Variants in HEATR4 observed in about 807,000 individuals in gnomAD.
HEATR4 encodes HEAT repeat-containing protein 4.
A neutral mutation model predicts 108.8 loss-of-function variants in HEATR4; 95 were observed. The observed-to-expected ratio is 0.87, with a 90% CI of 0.74 to 1.04. HEATR4 has a LOEUF of 1.04. Among genes scored for constraint, HEATR4 ranks in the 50% least tolerant of loss-of-function variants. HEATR4 has a pLI of 0.00. For missense variants in HEATR4, 1,152 were observed against 1,253.8 expected, an observed-to-expected ratio of 0.92 and a Z score of 1.23; for synonymous variants, 443 against 459.4, an observed-to-expected ratio of 0.96 and a Z score of 0.46.
chr14:73,612,535 C>G, the HEATR4 span: 1 of 1,234,760 alleles, frequency 8.1e-7, no homozygotes, highest in Admixed American at 4.1e-5. Flanking sequence ...CCACTGACTC[C>G]GCGGAGCTGG....
Position 73,508,117 on chromosome 14 carries a change from C to T in HEATR4, c.1881+17G>A, listed in dbSNP as rs368573864. The T allele has an allele frequency of 2.2e-5, 36 of 1,611,796 alleles. No individual in the cohort carries two copies. The highest frequency in any genetic ancestry group is 1.1e-4 in the South Asian group (10 of 90,942). Reference sequence around the variant, plus strand: ...TTGCTCCCCAAAACTGTGTCTGACCCGGTAATGGACACATACTGTCTTCTC... The same window carrying T: ...TTGCTCCCCAAAACTGTGTCTGACCTGGTAATGGACACATACTGTCTTCTC... On this transcript the variant is annotated intron_variant, in intron 9 of 17. Transcript: ENST00000553558.
the HEATR4 span, among the ~76,000 whole-genome samples, chr14:73,578,752 G>A: frequency 4.0e-5 from 6 of 151,214 alleles, no homozygotes; most frequent in East Asian, 1.9e-4. Context: ...TCAGGAGTTC[G>A]AGACCAGCCT....
intron 5 of HEATR4, among the ~76,000 whole-genome samples, chr14:73,514,488 A>G (rs1887468975): frequency 6.6e-6 from 1 of 152,196 alleles, no homozygotes; most frequent in Non-Finnish European, 1.5e-5. Context: ...TGAGATATCT[A>G]CAAACCTTTC....
At chr14:73,572,845 C>T in the HEATR4 span, among the ~76,000 whole-genome samples, 1 of 149,510 alleles carries the variant, frequency 6.7e-6, no homozygotes, top group East Asian at 1.9e-4. Context: ...GGGGTTTCAC[C>T]ATGTTGGCCA....
At chr14:73,619,490 A>G in the HEATR4 span, 5 of 1,614,244 alleles carry the variant, frequency 3.1e-6, no homozygotes, top group South Asian at 2.2e-5. Flanking sequence ...CACAATCACC[A>G]AAGTCTTGTT....
At chr14:73,592,464 TC>T in the HEATR4 span, 6 of 1,449,546 alleles carry the variant, frequency 4.1e-6, no homozygotes, top group Non-Finnish European at 5.4e-6. Context: ...GGCCTGAGTC[TC>T]CGTTTGTTTC....
the HEATR4 span, among the ~76,000 whole-genome samples, chr14:73,585,235 GC>G: frequency 6.6e-6 from 1 of 152,108 alleles, no homozygotes; most frequent in Non-Finnish European, 1.5e-5. Flanking sequence ...CCCCTGCCTG[GC>G]CCAGCAGGAC....
the HEATR4 span, among the ~76,000 whole-genome samples, chr14:73,599,155 CAT>C: frequency 1.3e-5 from 2 of 152,042 alleles, no homozygotes; most frequent in African/African-American, 2.4e-5. Context: ...AAGTGCCAGA[CAT>C]GTGAGTGAAA....
the HEATR4 span, among the ~76,000 whole-genome samples, chr14:73,589,866 C>T: frequency 3.9e-5 from 6 of 152,180 alleles, no homozygotes; most frequent in African/African-American, 1.2e-4. Context: ...GTCTTGCTGG[C>T]TCAGAAGTGA....
Position 73,495,341 on chromosome 14 carries a change from T to G in HEATR4, c.2672A>C (p.Lys891Thr), listed in dbSNP as rs1322395443. ...QKDLLTHKIL[K>T]LEMVMGKVRE... Reference sequence around the variant, plus strand: ...CACTTTTCCCATGACCATCTCCAGCTTGAGTATTTTGTGTGTCAGCAAGTC... The same window carrying G: ...CACTTTTCCCATGACCATCTCCAGCGTGAGTATTTTGTGTGTCAGCAAGTC... Residue 891 changes from lysine to threonine, a missense_variant, in exon 16 of 18, where the codon AAG becomes ACG. Physicochemically the swap from Lys to Thr is moderately conservative, Grantham distance 78 (BLOSUM62 -1). Transcript: ENST00000553558. 6.2e-7 allele frequency: 1 copy of G among 1,614,042 alleles called. No homozygotes were observed. The highest frequency in any genetic ancestry group is 8.5e-7 in the Non-Finnish European group (1 of 1,179,930).
the HEATR4 span, chr14:73,592,334 C>G: frequency 5.0e-6 from 8 of 1,604,714 alleles, no homozygotes; most frequent in Non-Finnish European, 6.8e-6. Context: ...AGGCGCAGCA[C>G]GAGCGCCACT....
the HEATR4 span, chr14:73,569,418 C>G: frequency 6.2e-7 from 1 of 1,613,860 alleles, no homozygotes; most frequent in East Asian, 2.2e-5. Flanking sequence ...CATTAGGGTT[C>G]CTGCTCGGAT....
In HEATR4 at chr14:73,522,847, G is replaced by A. The variant is rs1224023615; in HGVS notation, c.306C>T (p.Ile102=). The change falls in exon 3 of 18, where the codon ATC becomes ATT. Residue 102 remains isoleucine, a synonymous_variant. Coordinates refer to ENST00000553558, the MANE Select transcript of HEATR4 (RefSeq NM_001220484.1). ...CCTTCCTGATCTGGGGAGTATGGAT[G>A]ATGTCATTGGTATTGTAGAGGTGGT... ...SFDHLYNTND[I]IHTPQIRKAR... The A allele has an allele frequency of 1.2e-6, 2 of 1,614,108 alleles. No individual in the cohort carries two copies. The highest frequency in any genetic ancestry group is 1.7e-6 in the Non-Finnish European group (2 of 1,180,054).
the HEATR4 span, chr14:73,612,557 T>G: frequency 7.4e-7 from 1 of 1,354,820 alleles, no homozygotes; most frequent in Non-Finnish European, 9.6e-7. Context: ...TCGCCCCTGT[T>G]CTACCCAGAT....
intron 17 of HEATR4, chr14:73,491,682 T>C (rs1885758672): frequency 6.5e-7 from 1 of 1,549,734 alleles, no homozygotes; most frequent in Non-Finnish European, 8.7e-7. Context: ...TACCGGCGCC[T>C]ATGGGAGCGC....
At position 73,519,297 on chromosome 14, in the gene HEATR4, C is replaced by T. The variant is rs183888400; in HGVS notation, c.1070-134G>A. The T allele has an allele frequency of 9.1e-5, 68 of 743,736 alleles. No individual in the cohort carries two copies. In the African/African-American group the frequency reaches 1.1e-3, roughly 12 times the overall value. 46.1% of individuals were successfully genotyped at this position (743,736 alleles called of 1,614,324 possible). On this transcript the variant is annotated intron_variant, in intron 4 of 17. Transcript: ENST00000553558. ...GCCCCTAGGATCCATGACTGCCATACTCTGGGGCATCCCTTGAAGGTGACC... is the reference window on the plus strand; with the variant it reads ...GCCCCTAGGATCCATGACTGCCATATTCTGGGGCATCCCTTGAAGGTGACC...
At chr14:73,564,721 G>GTTTTTTTTTTTT in the HEATR4 span, among the ~76,000 whole-genome samples, 7 of 83,566 alleles carry the variant, frequency 8.4e-5, 1 homozygote, top group Admixed American at 1.6e-4. Context: ...TATCTTTTCT[G>GTTTTTTTTTTTT]TTTTTTGTTT....
At chr14:73,597,426 C>G in the HEATR4 span, among the ~76,000 whole-genome samples, 2 of 151,892 alleles carry the variant, frequency 1.3e-5, no homozygotes, top group Non-Finnish European at 2.9e-5. Context: ...GCTGTGTTGG[C>G]CAGGCTGGGG....
At chr14:73,507,551 A>C (rs1237983299) in intron 9 of HEATR4, among the ~76,000 whole-genome samples, 1 of 152,050 alleles carries the variant, frequency 6.6e-6, no homozygotes, top group Admixed American at 6.6e-5. Flanking sequence ...CTCCCACCTC[A>C]GCCTCTTGAG....
Sources: allele counts gnomAD v4.1 joint callset (sites outside exome capture counted in the v4.1 genomes callset), GRCh38; gene constraint gnomAD v4.1.1; transcripts MANE v1.5; gene names NCBI Gene and HGNC (gene_info 2026-07-23, HGNC 2026-07-21).